The following PCDHA8 variants were observed in gnomAD, a reference collection of about 807,000 sequenced individuals.
The protein encoded by PCDHA8 is protocadherin alpha-8.
A neutral mutation model predicts 61.8 loss-of-function variants in PCDHA8; 53 were observed. That is an observed-to-expected ratio of 0.86 (90% CI 0.69 to 1.08). The LOEUF is 1.08. PCDHA8 is among the 50% of genes least tolerant of loss of function. PCDHA8 has a pLI of 0.00. For synonymous variants in PCDHA8, 618 were observed against 556.6 expected (o/e 1.11, Z -1.55); for missense variants, 1,293 against 1,245.0 (o/e 1.04, Z -0.58).
At chr5:140,897,591 T>C (rs542451957) in intron 1 of PCDHA8, among the ~76,000 whole-genome samples, 1 of 152,312 alleles carries the variant, frequency 6.6e-6, no homozygotes, top group African/African-American at 2.4e-5. Flanking sequence ...TCTGTCATTG[T>C]TGGACATTTG....
intron 1 of PCDHA8, chr5:140,968,527 G>A (rs782634339): frequency 9.3e-6 from 15 of 1,614,142 alleles, no homozygotes; most frequent in Middle Eastern, 1.6e-4. Flanking sequence ...CAACCAACTC[G>A]TCAGCAGCCT....
At position 140,848,921 on chromosome 5, in the gene PCDHA8, C is replaced by A. The variant is rs149924043; in HGVS notation, c.2394+5206C>A. The A allele has an allele frequency of 2.3e-3, 3,692 of 1,607,738 alleles. 94 individuals carry two copies. Among genetic ancestry groups the A allele is most frequent in the Middle Eastern group, 9.4e-3 (57 of 6,032 alleles). On this transcript the variant is annotated intron_variant, in intron 1 of 3. Coordinates refer to ENST00000531613, the MANE Select transcript of PCDHA8 (RefSeq NM_018911.3). ...CAGCGACACAAAAGAATCTGTTCAT[C>A]GCGGAATCCAGGCCGCTTGACTCTC...
At chr5:140,866,092 G>C (rs1167702930) in intron 1 of PCDHA8, 1 of 152,100 alleles carries the variant, frequency 6.6e-6, no homozygotes, top group Non-Finnish European at 1.5e-5. Context: ...TTATGTAATT[G>C]TTAAGTAATT....
chr5:140,955,006 C>T (rs1304080416), intron 1 of PCDHA8, among the ~76,000 whole-genome samples: 1 of 152,154 alleles, frequency 6.6e-6, no homozygotes, highest in African/African-American at 2.4e-5. Flanking sequence ...AGCCAATTCT[C>T]CCAGCACCAT....
chr5:140,926,420 T>G, intron 1 of PCDHA8: 1 of 152,792 alleles, frequency 6.5e-6, no homozygotes, highest in Non-Finnish European at 1.5e-5. Context: ...GGGCAGAGGA[T>G]GTGGAGGTTA....
intron 1 of PCDHA8, chr5:140,870,482 C>A (rs1298357431): frequency 6.2e-7 from 1 of 1,614,126 alleles, no homozygotes; most frequent in Non-Finnish European, 8.5e-7. Flanking sequence ...CCCGAGTACA[C>A]CGTGTTCGTG....
At chr5:140,882,947 C>G in intron 1 of PCDHA8, 1 of 1,614,162 alleles carries the variant, frequency 6.2e-7, no homozygotes, top group Non-Finnish European at 8.5e-7. Context: ...TGGCACAGTT[C>G]AGCTGCTCAT....
rs1554205452 is a variant in PCDHA8 at position 140,928,080 on chromosome 5, C to T, written c.2395-50869C>T. ...CGGCTTCCTTTGACAACTACTACAG[C>T]CTGCTGATTGATGGGCCCCTGGACC... On this transcript the variant is annotated intron_variant, in intron 1 of 3. Transcript: ENST00000531613. The T allele has an allele frequency of 2.5e-6, 4 of 1,614,072 alleles. No homozygotes were observed. The African/African-American group carries it at 4.0e-5, about 16-fold the overall frequency.
chr5:140,848,406 G>T lies in PCDHA8; in HGVS notation c.2394+4691G>T, dbSNP rs2150410052. On this transcript the variant is annotated intron_variant, in intron 1 of 3. Coordinates refer to ENST00000531613, the MANE Select transcript of PCDHA8 (RefSeq NM_018911.3). ...CACTCTCTCTGTGCTGAACGATGGCGAACACAGCAGAATGGGACTGACGAA... is the reference window on the plus strand; with the variant it reads ...CACTCTCTCTGTGCTGAACGATGGCTAACACAGCAGAATGGGACTGACGAA... The T allele has an allele frequency of 2.9e-3, 3,827 of 1,338,984 alleles. 272 individuals carry two copies. The African/African-American group carries it at 0.048, about 17-fold the overall frequency. The allele number at this position is 1,338,984 out of a possible 1,614,324, so 82.9% of individuals were successfully genotyped here. A position where few individuals can be genotyped will look rare whatever the true frequency, so the allele number is the denominator to read the frequency against.
chr5:140,891,974 C>T (rs2063333007), intron 1 of PCDHA8, among the ~76,000 whole-genome samples: 1 of 152,170 alleles, frequency 6.6e-6, no homozygotes, highest in South Asian at 2.1e-4. Context: ...AATTTCCGTT[C>T]TCATAAATTA....
In PCDHA8 at chr5:140,883,718, G is replaced by A. The variant is rs376943163; in HGVS notation, c.2394+40003G>A. 7 of 1,613,642 alleles carry A rather than the reference G, an allele frequency of 4.3e-6. No homozygotes were observed. The South Asian group carries it at 6.6e-5, about 15-fold the overall frequency. ...CACGGTGTCTGCTCAGGACGCGGAC[G>A]CACAGGAGAACGCGCTGGTCTCCTA... On this transcript the variant is annotated intron_variant, in intron 1 of 3. Transcript: ENST00000531613.
chr5:140,969,348 G>A, intron 1 of PCDHA8: 5 of 1,613,304 alleles, frequency 3.1e-6, no homozygotes, highest in Non-Finnish European at 4.2e-6. Flanking sequence ...CAGTGGTCAG[G>A]GGGTCTTCTA....
rs2150357061 is a variant in PCDHA8, at chr5:140,843,307, G to C, written c.1986G>C (p.Thr662=). Residue 662 remains threonine, a synonymous_variant, in exon 1 of 4, where the codon ACG becomes ACC. Transcript: ENST00000531613. ...KDHGEPALTA[T]ATVLVSLVES... The stretch of plus-strand genomic sequence containing the variant: ...ATGGTGAACCTGCGCTGACCGCCAC[G>C]GCCACGGTTCTGGTGTCGCTGGTGG... 7 of 1,595,858 alleles carry C rather than the reference G, an allele frequency of 4.4e-6. 1 individual carries two copies. The highest frequency in any genetic ancestry group is 6.0e-6 in the Non-Finnish European group (7 of 1,165,566).
In PCDHA8 at chr5:140,842,811, G is replaced by T. The variant is rs1554139410; in HGVS notation, c.1490G>T (p.Arg497Leu). 3 of 1,594,022 alleles carry T rather than the reference G, an allele frequency of 1.9e-6. No homozygotes were observed. Among genetic ancestry groups the T allele is most frequent in the Non-Finnish European group, 2.6e-6 (3 of 1,165,370 alleles). Residue 497 changes from arginine to leucine, a missense_variant, in exon 1 of 4, where the codon CGG becomes CTG. Arg to Leu is a moderately radical substitution (Grantham distance 102, BLOSUM62 -2). Transcript: ENST00000531613. ...CTGGTGTCCTACTCGCTTGTGGAGCGGCGGGTGGGCGAGCGCTCGCTGTCG... is the reference window on the plus strand; with the variant it reads ...CTGGTGTCCTACTCGCTTGTGGAGCTGCGGGTGGGCGAGCGCTCGCTGTCG... ...NALVSYSLVE[R>L]RVGERSLSSY...
intron 1 of PCDHA8, among the ~76,000 whole-genome samples, chr5:140,941,194 TCTTTCTTCCTTTCTTTCTTCCTTTC>T (rs1257521577): frequency 8.9e-6 from 1 of 112,354 alleles, no homozygotes; most frequent in Admixed American, 9.1e-5. Context: ...TCTTTTTTTT[TCTTTCTTCCTTTCTTTCTTCCTTTC>T]TTTCTTTCTT....
intron 1 of PCDHA8, among the ~76,000 whole-genome samples, chr5:140,911,469 A>T (rs1365800005): frequency 3.3e-5 from 5 of 151,880 alleles, no homozygotes; most frequent in African/African-American, 9.7e-5. Context: ...AGGAGATAAG[A>T]CTCTCACTCA....
At chr5:140,911,659 T>G (rs2075588861) in intron 1 of PCDHA8, among the ~76,000 whole-genome samples, 1 of 152,142 alleles carries the variant, frequency 6.6e-6, no homozygotes, top group African/African-American at 2.4e-5. Flanking sequence ...GTTACTAAAC[T>G]CCTTGCCTCT....
At chr5:140,988,761 A>G (rs1320753301) in intron 3 of PCDHA8, among the ~76,000 whole-genome samples, 1 of 152,218 alleles carries the variant, frequency 6.6e-6, no homozygotes, top group Non-Finnish European at 1.5e-5. Context: ...TGGGCAGAAT[A>G]CAGTCATGGT....
intron 1 of PCDHA8, chr5:140,875,267 C>T (rs1203068511): frequency 2.5e-6 from 3 of 1,210,992 alleles, no homozygotes; most frequent in Admixed American, 3.0e-5. Context: ...TGTCGCTCTA[C>T]ACTCAGAAGG....
Sources: allele counts gnomAD v4.1 joint callset (sites outside exome capture counted in the v4.1 genomes callset), GRCh38; gene constraint gnomAD v4.1.1; transcripts MANE v1.5; gene names NCBI Gene and HGNC (gene_info 2026-07-23, HGNC 2026-07-21).